MEST: variants seen among roughly 807,000 people sequenced by gnomAD.
MEST encodes mesoderm-specific transcript homolog protein.
MEST carries 18 observed loss-of-function variants against 50.9 expected under a neutral mutation model. That is an observed-to-expected ratio of 0.35 (90% CI 0.24 to 0.52). MEST has a LOEUF of 0.52. Among genes scored for constraint, MEST ranks in the 20% least tolerant of loss-of-function variants. The probability of loss-of-function intolerance (pLI) is 0.94; values close to 1 mark genes in which losing one functional copy is unlikely to be tolerated. For missense variants in MEST, 282 were observed against 425.3 expected (o/e 0.66, Z 2.96); for synonymous variants, 130 against 154.1 (o/e 0.84, Z 1.16).
chr7:130,495,951 ATGAT>A, intron 2 of MEST: 1 of 346,228 alleles, frequency 2.9e-6, no homozygotes, highest in Non-Finnish European at 5.6e-6. Context: ...GCTAGTGATG[ATGAT>A]TATTATGACC....
intron 1 of MEST, 55 bp from the exon 2 acceptor site, chr7:130,495,313 G>A: frequency 6.5e-7 from 1 of 1,534,028 alleles, no homozygotes; most frequent in Non-Finnish European, 8.8e-7. Flanking sequence ...TTGGTTTGTA[G>A]ATGAGTGGAC....
At position 130,492,336 on chromosome 7, in the gene MEST, G is replaced by A; in HGVS notation, c.23G>A (p.Arg8His). MVRRDRL[R>H]RMREWWVQVG... ...GCCATGGTGCGCCGAGATCGCCTCCGCAGGTGAGTGTGCGGTGGGAACGAG... is the reference window on the plus strand; with the variant it reads ...GCCATGGTGCGCCGAGATCGCCTCCACAGGTGAGTGTGCGGTGGGAACGAG... The change falls in exon 1 of 12, where the codon CGC (arginine) becomes CAC (histidine). Residue 8 changes from arginine (R) to histidine (H), a missense_variant. Physicochemically the swap from Arg to His is conservative, Grantham distance 29. Coordinates refer to ENST00000223215, the MANE Select transcript of MEST (RefSeq NM_002402.4). This position sits in a 1 kb window ranked among gnomAD's most constrained non-coding sequence, Gnocchi z 7.6. The A allele has an allele frequency of 7.5e-7, 1 of 1,334,178 alleles. No individual in the cohort carries two copies. The highest frequency in any genetic ancestry group is 9.6e-7 in the Non-Finnish European group (1 of 1,040,012). 82.6% of individuals were successfully genotyped at this position (1,334,178 alleles called of 1,614,324 possible).
upstream of MEST, chr7:130,488,888 T>G (rs1235853737): frequency 6.6e-6 from 1 of 152,234 alleles, no homozygotes; most frequent in African/African-American, 2.4e-5. Context: ...GCAGTCACAG[T>G]AGCCTTTTTA....
In MEST at chr7:130,500,104, C is replaced by A; in HGVS notation, c.576+189C>A. On this transcript the variant is annotated intron_variant, in intron 7 of 11. Coordinates refer to ENST00000223215, the MANE Select transcript of MEST (RefSeq NM_002402.4). The surrounding 1 kb of genome is among the most constrained non-coding windows in gnomAD (Gnocchi z 5.0). ...CAGAGGCAGTGGCCCCTACGTAAACCCAAAACCAATCCTAAGAATAAGAGA... is the reference window on the plus strand; with the variant it reads ...CAGAGGCAGTGGCCCCTACGTAAACACAAAACCAATCCTAAGAATAAGAGA... The A allele has an allele frequency of 1.8e-6, 1 of 567,354 alleles. No homozygotes were observed. 35.1% of individuals were successfully genotyped at this position (567,354 alleles called of 1,614,324 possible).
chr7:130,495,472 A>G lies in MEST; in HGVS notation c.131A>G (p.Lys44Arg). 6.2e-7 allele frequency: 1 copy of G among 1,614,098 alleles called. No individual in the cohort carries two copies. The highest frequency in any genetic ancestry group is 8.5e-7 in the Non-Finnish European group (1 of 1,179,980). Residue 44 changes from lysine (K) to arginine (R), a missense_variant, in exon 2 of 12, where the codon AAG (lysine) becomes AGG (arginine). Physicochemically the swap from Lys to Arg is conservative, Grantham distance 26. Transcript: ENST00000223215. Reference protein sequence around the residue: ...PQLSPALHSWKSSGKFFTYKG... With the variant: ...PQLSPALHSWRSSGKFFTYKG... ...CTCTCCCCTGCCCTTCACTCATGGA[A>G]GTCTTCAGGCAAGTTTTTCACTTAC... is the stretch of plus-strand genomic sequence containing the variant.
Position 130,497,726 on chromosome 7 carries a change from G to A in MEST, c.262-210G>A, listed in dbSNP as rs112109539. The A allele has an allele frequency of 4.5e-3, 2,643 of 590,538 alleles. 28 individuals carry two copies. The highest frequency in any genetic ancestry group is 0.025 in the Middle Eastern group (55 of 2,172). The allele number at this position is 590,538 out of a possible 1,614,324, so 36.6% of individuals were successfully genotyped here. ...CCTTGGCACTCTGGAAGGGATCACT[G>A]CCAAGTTACCCTCCCTCAACAGGGA... On this transcript the variant is annotated intron_variant, in intron 3 of 11. Transcript: ENST00000223215. The surrounding 1 kb of genome is among the most constrained non-coding windows in gnomAD (Gnocchi z 4.0).
chr7:130,496,373 C>G (rs1554436982), intron 2 of MEST: 2 of 333,700 alleles, frequency 6.0e-6, no homozygotes, highest in East Asian at 1.1e-4. Flanking sequence ...TGCACAGATT[C>G]TCAAGAACAA....
At chr7:130,494,224 G>A (rs1554436246) in intron 1 of MEST, among the ~76,000 whole-genome samples, 1 of 152,198 alleles carries the variant, frequency 6.6e-6, no homozygotes, top group African/African-American at 2.4e-5. Context: ...ACAGGCAATA[G>A]GGAAGAATGT....
intron 9 of MEST, among the ~76,000 whole-genome samples, chr7:130,501,449 G>C (rs376591102): frequency 1.3e-5 from 2 of 152,256 alleles, no homozygotes; most frequent in African/African-American, 2.4e-5. Context: ...TTTCATTTTA[G>C]TATTAAAAAA....
rs1251838445 is a variant in MEST, at chr7:130,506,160, T to C, written c.*1104T>C. 1 of 152,616 alleles carries C rather than the reference T, an allele frequency of 6.6e-6. No homozygotes were observed. The highest frequency in any genetic ancestry group is 1.5e-5 in the Non-Finnish European group (1 of 68,044). 9.5% of individuals were successfully genotyped at this position (152,616 alleles called of 1,614,324 possible). ...ACTTTTTTTTTAAAGCCACATTTCA[T>C]TGTCTTAGTCAAAGCAGGATTATTA... On this transcript the variant is annotated 3_prime_UTR_variant, in exon 12 of 12. Coordinates refer to ENST00000223215, the MANE Select transcript of MEST (RefSeq NM_002402.4).
At chr7:130,498,585 A>T (rs1799159375) in intron 6 of MEST, 108 bp downstream of exon 6, 1 of 1,021,768 alleles carries the variant, frequency 9.8e-7, no homozygotes, top group Non-Finnish European at 1.5e-6. Context: ...AGACATAATT[A>T]AACTATGGGA....
intron 11 of MEST, 72 bp downstream of exon 11, chr7:130,504,068 T>C: frequency 8.2e-7 from 1 of 1,226,118 alleles, no homozygotes. Context: ...AATTGCCTGT[T>C]GAGGGCTATT....
Position 130,495,422 on chromosome 7 carries a change from G to A in MEST, c.81G>A (p.Ala27=), listed in dbSNP as rs1298623099. 13 of 1,613,866 alleles carry A rather than the reference G, an allele frequency of 8.1e-6. No individual in the cohort carries two copies. The highest frequency in any genetic ancestry group is 4.5e-5 in the East Asian group (2 of 44,856). The change falls in exon 2 of 12, where the codon GCG becomes GCA. Residue 27 remains alanine, a synonymous_variant. Transcript: ENST00000223215. The part of the protein sequence containing the change: ...VGLLAVPLLA[A]YLHIPPPQLS... ...TGCTGGCCGTGCCCCTGCTTGCTGCGTACCTGCACATCCCACCCCCTCAGC... is the reference window on the plus strand; with the variant it reads ...TGCTGGCCGTGCCCCTGCTTGCTGCATACCTGCACATCCCACCCCCTCAGC...
rs375061854 is a variant in MEST at position 130,504,066 on chromosome 7, G to A, written c.890+70G>A. The A allele has an allele frequency of 3.9e-6, 5 of 1,274,656 alleles. 1 individual carries two copies. The highest frequency in any genetic ancestry group is 3.0e-5 in the African/African-American group (2 of 67,776). 79.0% of individuals were successfully genotyped at this position (1,274,656 alleles called of 1,614,324 possible). On this transcript the variant is annotated intron_variant, in intron 11 of 11. Coordinates refer to ENST00000223215, the MANE Select transcript of MEST (RefSeq NM_002402.4). ...CTGACAGTGGTAAACAGAATTGCCT[G>A]TTGAGGGCTATTGGCTCTAGCCATT...
chr7:130,500,767 C>G lies in MEST; in HGVS notation c.648-22C>G, dbSNP rs139420869. ...TCTGAGTTCTCCTCACACTTATCTT[C>G]CTGCGTTTTGGACTCTTTCAGTCTC... On this transcript the variant is annotated intron_variant, in intron 8 of 11. Coordinates refer to ENST00000223215, the MANE Select transcript of MEST (RefSeq NM_002402.4). The surrounding 1 kb of genome is among the most constrained non-coding windows in gnomAD (Gnocchi z 5.0). The G allele has an allele frequency of 6.3e-7, 1 of 1,588,998 alleles. No homozygotes were observed. Among genetic ancestry groups the G allele is most frequent in the African/African-American group, 1.3e-5 (1 of 74,196 alleles).
Position 130,495,379 on chromosome 7 carries a change from G to A in MEST, c.38G>A (p.Trp13Ter). ...RRDRLRRMRE[W>*]WVQVGLLAVP... ...TGCTTTTCCTACAGGATGAGGGAGT[G>A]GTGGGTCCAGGTGGGGCTGCTGGCC... The change falls in exon 2 of 12, where the codon TGG becomes TAG. Residue 13 changes from tryptophan to a stop codon, truncating the protein, a stop_gained. Transcript: ENST00000223215. LOFTEE classifies it high-confidence loss of function. 6.2e-7 allele frequency: 1 copy of A among 1,609,970 alleles called. No homozygotes were observed. The highest frequency in any genetic ancestry group is 8.5e-7 in the Non-Finnish European group (1 of 1,177,834).
upstream of MEST, chr7:130,491,989 G>C (rs1386222060): frequency 5.7e-6 from 1 of 175,732 alleles, no homozygotes; most frequent in African/African-American, 2.4e-5. This position sits in a 1 kb window ranked among gnomAD's most constrained non-coding sequence, Gnocchi z 6.8. Flanking sequence ...GCTCTGCGGC[G>C]AGCAAGGGAG....
In MEST at chr7:130,500,450, A is replaced by T. The variant is rs781884489; in HGVS notation, c.577-12A>T. The T allele has an allele frequency of 1.2e-6, 2 of 1,612,206 alleles. No homozygotes were observed. Among genetic ancestry groups the T allele is most frequent in the Non-Finnish European group, 1.7e-6 (2 of 1,178,982 alleles). On this transcript the variant is annotated splice_polypyrimidine_tract_variant and intron_variant, in intron 7 of 11. Transcript: ENST00000223215. This position sits in a 1 kb window ranked among gnomAD's most constrained non-coding sequence, Gnocchi z 5.0. ...GGGTTCTTGAGCTTTACCTCCACTT[A>T]TTCCCCTCCAGCTACTCAAAGATGG...
At chr7:130,498,505 TG>T (rs1799156927) in intron 6 of MEST, 28 bp downstream of exon 6, 1 of 1,607,526 alleles carries the variant, frequency 6.2e-7, no homozygotes, top group Non-Finnish European at 8.5e-7. Context: ...AGGTAGAAAG[TG>T]GGTGTAATCT....
Sources: gnomAD v4.1 joint callset for allele counts (sites outside exome capture counted in the v4.1 genomes callset) on GRCh38, gnomAD v4.1.1 for gene constraint, Gnocchi (gnomAD v3.1) non-coding constraint, MANE v1.5 for transcripts, NCBI Gene and HGNC (gene_info 2026-07-23, HGNC 2026-07-21) for gene names.